PTGER3: variants seen among roughly 807,000 people sequenced by gnomAD.
PTGER3 encodes the protein prostaglandin E receptor 3.
In PTGER3, 22 loss-of-function variants were observed where a neutral mutation model predicts 34.7. That is an observed-to-expected ratio of 0.63 (90% CI 0.45 to 0.91). The LOEUF (loss-of-function observed/expected upper bound fraction) is 0.91. Ranked by LOEUF, PTGER3 falls within the 40% of genes least tolerant of loss-of-function variation. The pLI is 0.00. For synonymous variants in PTGER3, 241 were observed against 230.1 expected, an observed-to-expected ratio of 1.05 and a Z score of -0.43; for missense variants, 468 against 519.4, an observed-to-expected ratio of 0.90 and a Z score of 0.96.
chr1:70,932,056 T>G (rs1648754139), intron 4 of PTGER3, among the ~76,000 whole-genome samples: 1 of 152,176 alleles, frequency 6.6e-6, no homozygotes, highest in Admixed American at 6.5e-5. Flanking sequence ...GCTTAGAAAT[T>G]TCTTCCACCA....
At chr1:71,014,773 G>A (rs962229721) in intron 1 of PTGER3, among the ~76,000 whole-genome samples, 2 of 152,298 alleles carry the variant, frequency 1.3e-5, no homozygotes, top group Non-Finnish European at 2.9e-5. Flanking sequence ...AATGTCTGCT[G>A]TTTAAGCCAT....
chr1:70,885,557 G>A (rs563541498), intron 4 of PTGER3, among the ~76,000 whole-genome samples: 1 of 152,240 alleles, frequency 6.6e-6, no homozygotes, highest in African/African-American at 2.4e-5. Flanking sequence ...TATAAGTGGA[G>A]ATAGAGATGA....
At chr1:70,943,665 CAA>C (rs1442010006) in intron 4 of PTGER3, among the ~76,000 whole-genome samples, 2 of 152,000 alleles carry the variant, frequency 1.3e-5, no homozygotes, top group Non-Finnish European at 2.9e-5. Flanking sequence ...TCACTAGATA[CAA>C]GTTTAACTAA....
chr1:71,010,301 T>C, intron 2 of PTGER3: 2 of 984,100 alleles, frequency 2.0e-6, no homozygotes, highest in South Asian at 4.7e-5. Flanking sequence ...ATTTCTGTAA[T>C]TAAATAATCA....
At chr1:71,033,356 C>A (rs1415750406) in intron 1 of PTGER3, among the ~76,000 whole-genome samples, 1 of 152,210 alleles carries the variant, frequency 6.6e-6, no homozygotes, top group East Asian at 1.9e-4. Context: ...AGCCTTCTAC[C>A]TGGTGTCCCT....
chr1:70,898,737 T>C (rs1646775201), intron 4 of PTGER3, among the ~76,000 whole-genome samples: 1 of 152,210 alleles, frequency 6.6e-6, no homozygotes, highest in South Asian at 2.1e-4. Flanking sequence ...CTGGAGTTTT[T>C]TGAGGCTTAA....
intron 1 of PTGER3, among the ~76,000 whole-genome samples, chr1:71,033,282 A>G (rs957160583): frequency 1.3e-5 from 2 of 152,124 alleles, no homozygotes; most frequent in Non-Finnish European, 2.9e-5. Flanking sequence ...CCAAAACACT[A>G]TGTCAATATG....
chr1:70,992,570 A>G (rs1218611320), intron 2 of PTGER3, among the ~76,000 whole-genome samples: 1 of 152,218 alleles, frequency 6.6e-6, no homozygotes, highest in African/African-American at 2.4e-5. Context: ...TTTCAGCTAC[A>G]GGACCCTATG....
rs912620729 is a variant in PTGER3, at chr1:71,028,687, A to G, written c.898-16203T>C. ...TCCGTCTTTAAACACCAGGCATTAG[A>G]GCAACTGTTTTCTTGTGCTCCTTCC... On this transcript the variant is annotated intron_variant, in intron 1 of 3. Coordinates refer to ENST00000306666, the MANE Select transcript of PTGER3 (RefSeq NM_198719.2). Among the ~76,000 whole-genome samples, 7 of 152,100 alleles carry G rather than the reference A, an allele frequency of 4.6e-5. No individual in the cohort carries two copies. The East Asian group carries it at 1.3e-3, about 29-fold the overall frequency.
At chr1:71,036,883 C>T (rs908396666) in intron 1 of PTGER3, among the ~76,000 whole-genome samples, 16 of 152,024 alleles carry the variant, frequency 1.1e-4, no homozygotes, top group Non-Finnish European at 2.4e-4. Context: ...AGGAGATAAT[C>T]TGAGTACCAC....
intron 2 of PTGER3, 26 bp from the exon 3 acceptor site, chr1:70,974,414 G>C (rs1653479355): frequency 1.2e-6 from 1 of 852,650 alleles, no homozygotes; most frequent in East Asian, 2.4e-5. Flanking sequence ...GGATTTCACA[G>C]GACACTTCCT....
At chr1:70,940,893 C>A (rs1310839294) in intron 4 of PTGER3, among the ~76,000 whole-genome samples, 5 of 152,178 alleles carry the variant, frequency 3.3e-5, no homozygotes, top group Non-Finnish European at 7.3e-5. Context: ...ATGTTTCTAA[C>A]TCATGGTCAC....
chr1:71,046,285 C>CAAAA lies in PTGER3; in HGVS notation c.897+392_897+395dup, dbSNP rs34411077. Among the ~76,000 whole-genome samples, 33 of 81,040 alleles carry CAAAA rather than the reference C, an allele frequency of 4.1e-4. 1 individual carries two copies. The highest frequency in any genetic ancestry group is 9.8e-4 in the African/African-American group (19 of 19,442). The allele number at this position is 81,040 out of a possible 152,430, so 53.2% of individuals were successfully genotyped here. A position where few individuals can be genotyped will look rare whatever the true frequency, so the allele number is the denominator to read the frequency against. ...TGGGTGACAGAGCGAGACTCCGTCT[C>CAAAA]AAAAAAAAAAAAAAAAAAAAACCCC... On this transcript the variant is annotated intron_variant, in intron 1 of 3. Transcript: ENST00000306666.
intron 4 of PTGER3, among the ~76,000 whole-genome samples, chr1:70,899,479 G>C (rs1646790739): frequency 6.6e-6 from 1 of 152,148 alleles, no homozygotes; most frequent in Non-Finnish European, 1.5e-5. Context: ...AATCTCATGA[G>C]AGAAGACATA....
intron 4 of PTGER3, among the ~76,000 whole-genome samples, chr1:70,889,370 A>G (rs1211473492): frequency 6.9e-6 from 1 of 144,382 alleles, no homozygotes; most frequent in African/African-American, 2.6e-5. Flanking sequence ...AGCCGAGATC[A>G]CGCCACTGCA....
intron 4 of PTGER3, among the ~76,000 whole-genome samples, chr1:70,866,816 T>G (rs2100515635): frequency 6.6e-6 from 1 of 152,312 alleles, no homozygotes; most frequent in South Asian, 2.1e-4. Flanking sequence ...CAATCTGGAC[T>G]TCTGCATTTT....
intron 1 of PTGER3, among the ~76,000 whole-genome samples, chr1:71,025,995 T>C (rs924803163): frequency 6.6e-6 from 1 of 152,188 alleles, no homozygotes; most frequent in Admixed American, 6.6e-5. Context: ...TACTCCCCCC[T>C]TGCTTATACT....
chr1:70,885,576 T>A (rs1646481145), intron 4 of PTGER3, among the ~76,000 whole-genome samples: 1 of 152,126 alleles, frequency 6.6e-6, no homozygotes, highest in African/African-American at 2.4e-5. Context: ...GAGAATAAGT[T>A]TAAAAACTTC....
At chr1:70,902,560 T>G (rs1443431997) in intron 4 of PTGER3, among the ~76,000 whole-genome samples, 1 of 152,166 alleles carries the variant, frequency 6.6e-6, no homozygotes, top group Admixed American at 6.5e-5. Flanking sequence ...CCCAAAAATC[T>G]AACAGATTTG....
Sources: gnomAD v4.1 joint callset for allele counts (sites outside exome capture counted in the v4.1 genomes callset) on GRCh38, gnomAD v4.1.1 for gene constraint, MANE v1.5 for transcripts, NCBI Gene and HGNC (gene_info 2026-07-23, HGNC 2026-07-21) for gene names.